NRXN1: variants seen among roughly 807,000 people sequenced by gnomAD.
NRXN1 encodes the protein neurexin-1.
Under a neutral mutation model 150.9 loss-of-function variants are expected in NRXN1, and 39 were observed. The ratio of observed to expected loss-of-function variants is 0.26; its 90% CI spans 0.20 to 0.34. NRXN1 has a LOEUF of 0.34. Among genes scored for constraint, NRXN1 ranks in the 10% least tolerant of loss-of-function variants. The pLI is 1.00. For missense variants in NRXN1, 1,815 were observed against 1,949.9 expected, an observed-to-expected ratio of 0.93 and a Z score of 1.30; for synonymous variants, 924 against 757.0, an observed-to-expected ratio of 1.22 and a Z score of -3.62.
chr2:49,948,467 C>T (rs895860615), intron 21 of NRXN1, among the ~76,000 whole-genome samples: 5 of 151,956 alleles, frequency 3.3e-5, no homozygotes, highest in Non-Finnish European at 7.4e-5. Flanking sequence ...TAATGAAATA[C>T]GTTCTTGATT....
chr2:49,930,042 G>C (rs1345766104), intron 22 of NRXN1, among the ~76,000 whole-genome samples: 1 of 152,180 alleles, frequency 6.6e-6, no homozygotes, highest in African/African-American at 2.4e-5. Context: ...TGAGTAGAGA[G>C]TCGTCAAGTG....
intron 18 of NRXN1, among the ~76,000 whole-genome samples, chr2:50,140,891 T>A (rs952754731): frequency 6.6e-5 from 10 of 152,016 alleles, no homozygotes; most frequent in African/African-American, 2.4e-4. Context: ...CATATATATG[T>A]GTTCGTGTGT....
At chr2:51,009,790 T>C (rs1232815244) in intron 2 of NRXN1, among the ~76,000 whole-genome samples, 4 of 151,908 alleles carry the variant, frequency 2.6e-5, no homozygotes, top group Non-Finnish European at 5.9e-5. Flanking sequence ...CCGGAAAAAG[T>C]GTAAATAAAA....
chr2:50,149,122 G>T, intron 18 of NRXN1, among the ~76,000 whole-genome samples: 1 of 151,756 alleles, frequency 6.6e-6, no homozygotes, highest in East Asian at 1.9e-4. Flanking sequence ...TGCTATGAAA[G>T]AGGCTATTTG....
chr2:50,826,898 G>A (rs1400101316), intron 5 of NRXN1, among the ~76,000 whole-genome samples: 1 of 152,104 alleles, frequency 6.6e-6, no homozygotes, highest in Non-Finnish European at 1.5e-5. Context: ...GGCATTAAAC[G>A]CCACAGTACT....
intron 8 of NRXN1, among the ~76,000 whole-genome samples, chr2:50,582,072 C>A (rs1305174019): frequency 1.3e-5 from 2 of 152,080 alleles, no homozygotes; most frequent in African/African-American, 4.8e-5. Flanking sequence ...CCCCTGTTCG[C>A]ACCAATTTAG....
At chr2:50,939,065 G>T (rs1189657456) in intron 2 of NRXN1, among the ~76,000 whole-genome samples, 1 of 151,768 alleles carries the variant, frequency 6.6e-6, no homozygotes, top group Non-Finnish European at 1.5e-5. Context: ...CTAAAAATTA[G>T]CTGGGAGTGG....
intron 17 of NRXN1, among the ~76,000 whole-genome samples, chr2:50,301,038 G>T (rs2074102254): frequency 6.6e-6 from 1 of 152,086 alleles, no homozygotes; most frequent in Non-Finnish European, 1.5e-5. Context: ...GCCTCATAGG[G>T]TTAGTGAACA....
intron 17 of NRXN1, among the ~76,000 whole-genome samples, chr2:50,351,524 TA>T (rs2078411433): frequency 1.3e-5 from 2 of 152,156 alleles, no homozygotes; most frequent in African/African-American, 4.8e-5. Context: ...GTGAAATTAT[TA>T]ATAGGCAAGA....
intron 13 of NRXN1, among the ~76,000 whole-genome samples, chr2:50,505,014 A>G (rs144462005): frequency 9.8e-5 from 15 of 152,286 alleles, no homozygotes; most frequent in African/African-American, 3.4e-4. Flanking sequence ...CTCCAAGACT[A>G]TAAAGTACTC....
At chr2:50,783,373 G>T (rs1463376032) in intron 5 of NRXN1, among the ~76,000 whole-genome samples, 1 of 151,988 alleles carries the variant, frequency 6.6e-6, no homozygotes, top group Non-Finnish European at 1.5e-5. Context: ...TGGTTACCTG[G>T]GGATCCTTCT....
chr2:50,388,016 C>T (rs980588129), intron 17 of NRXN1, among the ~76,000 whole-genome samples: 2 of 152,104 alleles, frequency 1.3e-5, no homozygotes, highest in South Asian at 4.1e-4. Context: ...AGGAGCTAAA[C>T]ACAAGAGAGC....
intron 22 of NRXN1, among the ~76,000 whole-genome samples, chr2:49,924,340 T>C (rs1347031943): frequency 6.6e-6 from 1 of 152,188 alleles, no homozygotes; most frequent in Non-Finnish European, 1.5e-5. Context: ...TCATTTAGCT[T>C]ATGACAGTAA....
intron 5 of NRXN1, among the ~76,000 whole-genome samples, chr2:50,640,050 T>G (rs1683842672): frequency 6.6e-6 from 1 of 152,198 alleles, no homozygotes; most frequent in Admixed American, 6.5e-5. Context: ...ACCAGGCATC[T>G]CAGGCTAAGG....
intron 2 of NRXN1, among the ~76,000 whole-genome samples, chr2:50,987,473 T>C (rs1697903357): frequency 6.6e-6 from 1 of 151,856 alleles, no homozygotes; most frequent in African/African-American, 2.4e-5. Context: ...TTTTGAACAA[T>C]TAATGCTCCT....
At chr2:50,467,009 C>G (rs939668327) in intron 16 of NRXN1, among the ~76,000 whole-genome samples, 1 of 151,596 alleles carries the variant, frequency 6.6e-6, no homozygotes, top group African/African-American at 2.4e-5. Flanking sequence ...TGACACCAAC[C>G]AAATGCTGCA....
chr2:50,935,236 A>G (rs1034964797), intron 2 of NRXN1, among the ~76,000 whole-genome samples: 21 of 152,198 alleles, frequency 1.4e-4, no homozygotes, highest in African/African-American at 4.3e-4. Context: ...ATTACACCAT[A>G]GAAAAATAAA....
chr2:50,437,643 G>C (rs747034109), intron 17 of NRXN1, among the ~76,000 whole-genome samples: 26 of 152,072 alleles, frequency 1.7e-4, no homozygotes, highest in Non-Finnish European at 2.9e-4. Context: ...TCTTGTCTCT[G>C]ATCTTGAAAT....
At chr2:50,401,578 T>G (rs1052299341) in intron 17 of NRXN1, among the ~76,000 whole-genome samples, 1 of 152,018 alleles carries the variant, frequency 6.6e-6, no homozygotes, top group Non-Finnish European at 1.5e-5. Flanking sequence ...CAGGACACTT[T>G]ACTAGATGAA....
Sources: allele counts gnomAD v4.1 joint callset (sites outside exome capture counted in the v4.1 genomes callset), GRCh38; gene constraint gnomAD v4.1.1; transcripts MANE v1.5; gene names NCBI Gene and HGNC (gene_info 2026-07-23, HGNC 2026-07-21).